HDAC4: variants seen among roughly 807,000 people sequenced by gnomAD.
HDAC4 encodes the protein histone deacetylase 4.
HDAC4 carries 16 observed loss-of-function variants against 135.1 expected under a neutral mutation model. The ratio of observed to expected loss-of-function variants is 0.12; its 90% CI spans 0.08 to 0.18. HDAC4 has a LOEUF of 0.18. Ranked by LOEUF, HDAC4 falls within the 10% of genes least tolerant of loss-of-function variation. The pLI is 1.00. For synonymous variants in HDAC4, 685 were observed against 653.4 expected, an observed-to-expected ratio of 1.05 and a Z score of -0.74; for missense variants, 1,143 against 1,511.8, an observed-to-expected ratio of 0.76 and a Z score of 4.05.
At chr2:239,312,948 C>T (rs2052954316) in intron 2 of HDAC4, among the ~76,000 whole-genome samples, 1 of 152,208 alleles carries the variant, frequency 6.6e-6, no homozygotes, top group African/African-American at 2.4e-5. Flanking sequence ...GGCCAGCAGG[C>T]AGGCAATGCT....
chr2:239,293,176 G>A (rs1488991850), intron 2 of HDAC4, among the ~76,000 whole-genome samples: 1 of 152,110 alleles, frequency 6.6e-6, no homozygotes, highest in Non-Finnish European at 1.5e-5. Flanking sequence ...ATCCCGTGAG[G>A]AATTTGTGTC....
At chr2:239,203,599 G>A (rs1371582035) in intron 3 of HDAC4, among the ~76,000 whole-genome samples, 3 of 152,126 alleles carry the variant, frequency 2.0e-5, no homozygotes, top group African/African-American at 7.2e-5. Context: ...GAACGTCCAC[G>A]GTCTGACTGT....
At chr2:239,226,778 G>A (rs956889607) in intron 3 of HDAC4, among the ~76,000 whole-genome samples, 57 of 152,348 alleles carry the variant, frequency 3.7e-4, no homozygotes, top group African/African-American at 1.3e-3. Flanking sequence ...CAGTTGGAAA[G>A]TGAGGCCGGC....
intron 12 of HDAC4, among the ~76,000 whole-genome samples, chr2:239,124,458 C>T (rs1162624444): frequency 6.6e-6 from 1 of 152,176 alleles, no homozygotes; most frequent in Non-Finnish European, 1.5e-5. Flanking sequence ...TGCCGCTTGT[C>T]AGTGTCATTC....
chr2:239,234,052 C>G (rs1466683056), intron 3 of HDAC4, among the ~76,000 whole-genome samples: 3 of 152,278 alleles, frequency 2.0e-5, no homozygotes, highest in Middle Eastern at 3.4e-3. Flanking sequence ...TATCACCTAA[C>G]CTGAGATTAA....
rs956202805 is a variant in HDAC4, at chr2:239,167,950, T to C, written c.491-4027A>G. On this transcript the variant is annotated intron_variant, in intron 5 of 26. Coordinates refer to ENST00000543185, the MANE Select transcript of HDAC4 (RefSeq NM_001378414.1). This position sits in a 1 kb window ranked among gnomAD's most constrained non-coding sequence, Gnocchi z 4.1. The stretch of plus-strand genomic sequence containing the variant: ...GGCAGAGAGAGGAGGACAGCAGCTC[T>C]GGGTGGGGCGGGGCGGGGCAGGTGG... Among the ~76,000 whole-genome samples, 2 of 12,866 alleles carry C rather than the reference T, an allele frequency of 1.6e-4. No individual in the cohort carries two copies. The highest frequency in any genetic ancestry group is 3.0e-4 in the Non-Finnish European group (2 of 6,724). 8.4% of individuals were successfully genotyped at this position (12,866 alleles called of 152,430 possible).
At chr2:239,170,866 T>C (rs1328933183) in intron 5 of HDAC4, among the ~76,000 whole-genome samples, 1 of 151,962 alleles carries the variant, frequency 6.6e-6, no homozygotes, top group Non-Finnish European at 1.5e-5. Flanking sequence ...CTGAGGAAAA[T>C]TAAAGGACCC....
At chr2:239,234,555 T>C (rs2047772331) in intron 3 of HDAC4, among the ~76,000 whole-genome samples, 1 of 152,232 alleles carries the variant, frequency 6.6e-6, no homozygotes, top group Non-Finnish European at 1.5e-5. Flanking sequence ...ATGACATTTA[T>C]TGAGGAACTA....
chr2:239,295,802 T>C (rs546502188), intron 2 of HDAC4, among the ~76,000 whole-genome samples: 1 of 152,294 alleles, frequency 6.6e-6, no homozygotes, highest in African/African-American at 2.4e-5. Flanking sequence ...ACCAAAGAAG[T>C]GGGCCACCTG....
chr2:239,270,754 T>C (rs1387567650), intron 2 of HDAC4, among the ~76,000 whole-genome samples: 1 of 152,214 alleles, frequency 6.6e-6, no homozygotes, highest in African/African-American at 2.4e-5. Context: ...GACGACCTGT[T>C]GACGGATACG....
chr2:239,112,142 G>A (rs1046951710), intron 13 of HDAC4, among the ~76,000 whole-genome samples: 1 of 152,164 alleles, frequency 6.6e-6, no homozygotes, highest in African/African-American at 2.4e-5. Context: ...GTGGAGAGAA[G>A]CTCTTGCTGG....
chr2:239,065,694 G>T (rs2106571775), intron 24 of HDAC4, among the ~76,000 whole-genome samples: 1 of 152,332 alleles, frequency 6.6e-6, no homozygotes, highest in South Asian at 2.1e-4. Context: ...TCTGCATCTG[G>T]TGTGCTGGAG....
rs983828591 is a variant in HDAC4, at chr2:239,162,398, C to T, written c.611+1405G>A. The T allele has an allele frequency of 3.3e-5, 15 of 453,976 alleles. No homozygotes were observed. In the East Asian group the frequency reaches 9.8e-4, roughly 30 times the overall value. 28.1% of individuals were successfully genotyped at this position (453,976 alleles called of 1,614,324 possible). Reference sequence around the variant, plus strand: ...TTGGGCCCCAGGGGCACCATCTGAACCACGATCCACACTCCTGTCCCTTGC... The same window carrying T: ...TTGGGCCCCAGGGGCACCATCTGAATCACGATCCACACTCCTGTCCCTTGC... On this transcript the variant is annotated intron_variant, in intron 6 of 26. Transcript: ENST00000543185.
chr2:239,379,270 G>A (rs1284447306), intron 1 of HDAC4, among the ~76,000 whole-genome samples: 1 of 152,148 alleles, frequency 6.6e-6, no homozygotes, highest in Non-Finnish European at 1.5e-5. Flanking sequence ...CAGGAAGGTG[G>A]GTCCCTGCAA....
intron 1 of HDAC4, among the ~76,000 whole-genome samples, chr2:239,355,676 C>CT (rs903633224): frequency 2.0e-5 from 3 of 152,226 alleles, no homozygotes; most frequent in Admixed American, 6.5e-5. Flanking sequence ...CTGGGATACC[C>CT]TTTTTTTGAC....
intron 12 of HDAC4, among the ~76,000 whole-genome samples, chr2:239,122,131 C>T (rs13396070): frequency 0.019 from 2,902 of 152,268 alleles, 79 homozygotes; most frequent in African/African-American, 0.061. Flanking sequence ...CGGACACACT[C>T]GTAATTAGAC....
chr2:239,282,337 CCA>C (rs201286954), intron 2 of HDAC4, among the ~76,000 whole-genome samples: 8 of 150,110 alleles, frequency 5.3e-5, no homozygotes, highest in Non-Finnish European at 1.2e-4. Context: ...AATGTACACA[CCA>C]CTCTCCACAC....
At chr2:239,159,959 T>C (rs182765287) in intron 6 of HDAC4, among the ~76,000 whole-genome samples, 114 of 152,366 alleles carry the variant, frequency 7.5e-4, no homozygotes, top group Non-Finnish European at 9.6e-4. Flanking sequence ...CAAATACTGT[T>C]TTCTTCTAAA....
At chr2:239,374,565 G>A (rs959989841) in intron 1 of HDAC4, among the ~76,000 whole-genome samples, 20 of 150,572 alleles carry the variant, frequency 1.3e-4, no homozygotes, top group African/African-American at 2.4e-4. Flanking sequence ...CACTACGCCC[G>A]GCTAATTTTT....
Sources: allele counts gnomAD v4.1 joint callset (sites outside exome capture counted in the v4.1 genomes callset), GRCh38; gene constraint gnomAD v4.1.1; non-coding constraint Gnocchi (gnomAD v3.1); transcripts MANE v1.5; gene names NCBI Gene and HGNC (gene_info 2026-07-23, HGNC 2026-07-21).